The following VTI1A variants were observed in gnomAD, a reference collection of about 807,000 sequenced individuals.
VTI1A encodes vesicle transport through interaction with t-SNAREs 1A.
VTI1A carries 22 observed loss-of-function variants against 34.9 expected under a neutral mutation model. The observed-to-expected ratio is 0.63, with a 90% confidence interval of 0.45 to 0.90. The LOEUF (loss-of-function observed/expected upper bound fraction) is 0.90. Among genes scored for constraint, VTI1A ranks in the 40% least tolerant of loss-of-function variants. The probability of loss-of-function intolerance (pLI) is 0.00; values close to 1 mark genes in which losing one functional copy is unlikely to be tolerated. For missense variants in VTI1A, 268 were observed against 275.6 expected (o/e 0.97, Z 0.20); for synonymous variants, 87 against 97.3 (o/e 0.89, Z 0.62).
intron 1 of VTI1A, among the ~76,000 whole-genome samples, chr10:112,447,707 C>T (rs1246555179): frequency 2.6e-5 from 4 of 152,162 alleles, no homozygotes; most frequent in African/African-American, 9.7e-5. Context: ...GCTCTACCTT[C>T]TTGTAACTTG....
At chr10:112,529,685 C>A (rs1216215854) in intron 4 of VTI1A, among the ~76,000 whole-genome samples, 2 of 151,766 alleles carry the variant, frequency 1.3e-5, no homozygotes, top group African/African-American at 4.8e-5. Flanking sequence ...TGGAGATAAA[C>A]AAAATGAGAT....
At chr10:112,581,093 A>T (rs1020001587) in intron 5 of VTI1A, among the ~76,000 whole-genome samples, 9 of 152,174 alleles carry the variant, frequency 5.9e-5, no homozygotes, top group African/African-American at 2.2e-4. Flanking sequence ...TGGGCTCCGC[A>T]TGCCTTCTGG....
chr10:112,654,210 A>G (rs1847142015), intron 5 of VTI1A, among the ~76,000 whole-genome samples: 1 of 152,212 alleles, frequency 6.6e-6, no homozygotes, highest in Admixed American at 6.5e-5. Context: ...TATAAAATGA[A>G]TAATTTTTTA....
intron 7 of VTI1A, among the ~76,000 whole-genome samples, chr10:112,672,970 A>T (rs1325178521): frequency 6.6e-6 from 1 of 152,122 alleles, no homozygotes; most frequent in African/African-American, 2.4e-5. Flanking sequence ...ATATGTTACT[A>T]CTTTACCTTG....
intron 5 of VTI1A, among the ~76,000 whole-genome samples, chr10:112,614,800 G>C (rs1845456719): frequency 3.9e-5 from 6 of 152,160 alleles, no homozygotes; most frequent in Admixed American, 3.9e-4. Context: ...AGTTATGAAA[G>C]AAATTACAAC....
intron 7 of VTI1A, chr10:112,736,716 T>A: frequency 6.4e-7 from 1 of 1,551,774 alleles, no homozygotes; most frequent in Non-Finnish European, 8.7e-7. Flanking sequence ...CTCTTCACTG[T>A]TCACAGGGGT....
intron 5 of VTI1A, among the ~76,000 whole-genome samples, chr10:112,580,279 G>A (rs907765326): frequency 5.9e-5 from 9 of 152,178 alleles, no homozygotes; most frequent in African/African-American, 2.2e-4. Context: ...TTTGAATAAT[G>A]TATAAATATA....
At chr10:112,822,730 A>G (rs545267212), downstream of VTI1A, among the ~76,000 whole-genome samples, 1 of 152,312 alleles carries the variant, frequency 6.6e-6, no homozygotes, top group African/African-American at 2.4e-5. Flanking sequence ...TCGAGTGAGA[A>G]CTAGAGGGCT....
At chr10:112,753,454 C>T (rs950501076) in intron 7 of VTI1A, among the ~76,000 whole-genome samples, 2 of 152,158 alleles carry the variant, frequency 1.3e-5, no homozygotes, top group Admixed American at 1.3e-4. Flanking sequence ...AGTTTATTCT[C>T]CTTAAAAAGA....
chr10:112,493,469 T>A (rs1848907504), intron 3 of VTI1A, among the ~76,000 whole-genome samples: 1 of 152,146 alleles, frequency 6.6e-6, no homozygotes, highest in African/African-American at 2.4e-5. Context: ...CTTTATTTTT[T>A]ATTTTTCCCT....
chr10:112,788,161 G>A (rs1026117806), intron 7 of VTI1A, among the ~76,000 whole-genome samples: 2 of 151,622 alleles, frequency 1.3e-5, no homozygotes, highest in Non-Finnish European at 2.9e-5. Flanking sequence ...TATAAATGTT[G>A]ATTTCTATAT....
At chr10:112,575,882 CTTG>C (rs1191790655) in intron 5 of VTI1A, among the ~76,000 whole-genome samples, 2 of 152,026 alleles carry the variant, frequency 1.3e-5, no homozygotes, top group Admixed American at 6.5e-5. Flanking sequence ...TAGATGATAT[CTTG>C]TTGAAGAGAA....
chr10:112,575,640 A>T (rs1852303189), intron 5 of VTI1A, among the ~76,000 whole-genome samples: 1 of 152,244 alleles, frequency 6.6e-6, no homozygotes, highest in Non-Finnish European at 1.5e-5. Context: ...TTAGCAATTT[A>T]TTAACTAATT....
rs561265957 is a variant in VTI1A at position 112,817,894 on chromosome 10, G to A, written c.*2511G>A. On this transcript the variant is annotated 3_prime_UTR_variant, in exon 8 of 8. Coordinates refer to ENST00000393077, the MANE Select transcript of VTI1A (RefSeq NM_145206.4). ...AGGCATGGAGGAGGAAGAAGAGAAG[G>A]AAGCCCTTGCCATATAAAATTCATG... The A allele has an allele frequency of 3.8e-4, 89 of 233,300 alleles. No homozygotes were observed. Among genetic ancestry groups the A allele is most frequent in the African/African-American group, 1.9e-3 (86 of 45,442 alleles). 14.5% of individuals were successfully genotyped at this position (233,300 alleles called of 1,614,324 possible).
rs534945710 is a variant in VTI1A at position 112,781,685 on chromosome 10, A to G, written c.561-33605A>G. Among the ~76,000 whole-genome samples the G allele has an allele frequency of 2.0e-5, 3 of 152,080 alleles. No individual in the cohort carries two copies. The South Asian group carries it at 6.2e-4, about 32-fold the overall frequency. On this transcript the variant is annotated intron_variant, in intron 7 of 7. Transcript: ENST00000393077. Reference sequence around the variant, plus strand: ...GTGAAACCCCGCCTCTACTAAAAAAACAAAAATTAGTGGGGTGTGATGGTG... The same window carrying G: ...GTGAAACCCCGCCTCTACTAAAAAAGCAAAAATTAGTGGGGTGTGATGGTG...
upstream of VTI1A, chr10:112,447,111 G>A (rs1846851322): frequency 6.1e-6 from 3 of 491,694 alleles, no homozygotes; most frequent in Non-Finnish European, 7.5e-6. Context: ...CTGGGGGGAG[G>A]CACTAATTGG....
chr10:112,492,987 C>T (rs1343342734), intron 3 of VTI1A, among the ~76,000 whole-genome samples: 1 of 152,206 alleles, frequency 6.6e-6, no homozygotes, highest in East Asian at 1.9e-4. Flanking sequence ...TGACCACTGA[C>T]CTGCTTTCCT....
intron 5 of VTI1A, among the ~76,000 whole-genome samples, chr10:112,586,464 T>G (rs1844164221): frequency 6.6e-6 from 1 of 152,152 alleles, no homozygotes; most frequent in Non-Finnish European, 1.5e-5. Context: ...AGAACCTTTT[T>G]CCTTAGTTTT....
At chr10:112,618,522 T>TAGAGAGAG (rs1350356577) in intron 5 of VTI1A, among the ~76,000 whole-genome samples, 174 of 43,654 alleles carry the variant, frequency 4.0e-3, no homozygotes, top group Non-Finnish European at 4.5e-3. Context: ...TATATATATA[T>TAGAGAGAG]ATAGAGAGAG....
Sources: allele counts gnomAD v4.1 joint callset (sites outside exome capture counted in the v4.1 genomes callset), GRCh38; gene constraint gnomAD v4.1.1; transcripts MANE v1.5; gene names NCBI Gene and HGNC (gene_info 2026-07-23, HGNC 2026-07-21).